Variants in SYNJ1 observed in about 807,000 individuals in gnomAD.
The protein encoded by SYNJ1 is polyphosphatidylinositol phosphatase SYNJ1.
In SYNJ1, 78 loss-of-function variants were observed where a neutral mutation model predicts 168.2. That is an observed-to-expected ratio of 0.46 (90% CI 0.39 to 0.56). SYNJ1 has a LOEUF of 0.56. SYNJ1 is among the 20% of genes least tolerant of loss of function. The pLI is 0.00. For missense variants in SYNJ1, 1,303 were observed against 1,597.6 expected (o/e 0.82, Z 3.14); for synonymous variants, 539 against 548.6 (o/e 0.98, Z 0.24).
At chr21:32,646,270 A>T (rs2040064042) in intron 24 of SYNJ1, 123 bp downstream of exon 24, 1 of 954,704 alleles carries the variant, frequency 1.0e-6, no homozygotes, top group Non-Finnish European at 1.6e-6. Context: ...AAGTTTTCCT[A>T]TTCTGTACCG....
chr21:32,633,387 G>T (rs2145674094), intron 32 of SYNJ1, among the ~76,000 whole-genome samples: 1 of 152,148 alleles, frequency 6.6e-6, no homozygotes, highest in East Asian at 1.9e-4. Flanking sequence ...TGAAGGAAAA[G>T]AACTATGATT....
In SYNJ1 at chr21:32,676,976, T is replaced by C. The variant is rs562862329; in HGVS notation, c.1511-621A>G. 3.9e-5 allele frequency among the ~76,000 whole-genome samples: 6 copies of C among 152,338 alleles called. No individual in the cohort carries two copies. In the East Asian group the frequency reaches 1.2e-3, roughly 29 times the overall value. ...GTAGCAAGACATTATACATGTTAAA[T>C]GGTTATGAAATGCATGAATATAACC... On this transcript the variant is annotated intron_variant, in intron 12 of 32. Coordinates refer to ENST00000674351, the MANE Select transcript of SYNJ1 (RefSeq NM_203446.3).
intron 18 of SYNJ1, among the ~76,000 whole-genome samples, chr21:32,659,991 C>T (rs759157648): frequency 1.6e-4 from 24 of 152,202 alleles, no homozygotes; most frequent in Admixed American, 3.3e-4. Context: ...CCCGGTCGAA[C>T]GCCTCACCAC....
intron 2 of SYNJ1, 39 bp from the exon 3 acceptor site, chr21:32,702,086 A>C (rs773757466): frequency 1.4e-6 from 2 of 1,404,146 alleles, no homozygotes; most frequent in East Asian, 2.3e-5. Context: ...AATGACCTGA[A>C]ACATTGGATT....
intron 18 of SYNJ1, 24 bp from the exon 19 acceptor site, chr21:32,657,896 A>C: frequency 6.3e-7 from 1 of 1,587,334 alleles, no homozygotes; most frequent in Non-Finnish European, 8.6e-7. Flanking sequence ...ATACAAAGTA[A>C]GTTATTCCCA....
intron 19 of SYNJ1, 95 bp downstream of exon 19, chr21:32,657,621 G>GA: frequency 8.2e-7 from 1 of 1,219,820 alleles, no homozygotes; most frequent in Non-Finnish European, 1.1e-6. Flanking sequence ...AATGTTTCTT[G>GA]AAAAACAATA....
At chr21:32,685,425 CAAAAAAAA>C (rs57470866) in intron 9 of SYNJ1, among the ~76,000 whole-genome samples, 9 of 67,238 alleles carry the variant, frequency 1.3e-4, no homozygotes, top group Admixed American at 5.8e-4. Context: ...CCGTCTCTAC[CAAAAAAAA>C]AAAAAAAAAA....
At chr21:32,653,487 G>C in intron 21 of SYNJ1, 121 bp from the exon 22 acceptor site, 2 of 765,394 alleles carry the variant, frequency 2.6e-6, no homozygotes, top group Non-Finnish European at 4.3e-6. Flanking sequence ...AAAAGTAAAG[G>C]AGGGAGCGCA....
chr21:32,698,009 T>C (rs2042271193), intron 4 of SYNJ1, among the ~76,000 whole-genome samples: 2 of 152,162 alleles, frequency 1.3e-5, no homozygotes, highest in Non-Finnish European at 2.9e-5. Flanking sequence ...CTAGAAAAAA[T>C]GTAGTGTTGG....
At chr21:32,726,059 CA>C (rs2043438756) in intron 2 of SYNJ1, among the ~76,000 whole-genome samples, 1 of 152,142 alleles carries the variant, frequency 6.6e-6, no homozygotes, top group Non-Finnish European at 1.5e-5. Flanking sequence ...AGACTGGTCT[CA>C]AACTCCCCGC....
chr21:32,657,071 A>C lies in SYNJ1; in HGVS notation c.2511T>G (p.Ile837Met). The change falls in exon 20 of 33, where the codon ATT (isoleucine) becomes ATG (methionine). Residue 837 changes from isoleucine (I) to methionine (M), a missense_variant. This residue lies in a region of SYNJ1 where 920 missense variants were observed against 1,208.8 expected (regional missense o/e 0.76). Coordinates refer to ENST00000674351, the MANE Select transcript of SYNJ1 (RefSeq NM_203446.3). ...LNASFQDESK[I>M]LYTWTPGTLL... Reference sequence around the variant, plus strand: ...AAGTGCCTGGAGTCCACGTGTACAGAATTTTGCTTTCATCTTGAAAACTAG... The same window carrying C: ...AAGTGCCTGGAGTCCACGTGTACAGCATTTTGCTTTCATCTTGAAAACTAG... 6.2e-7 allele frequency: 1 copy of C among 1,614,186 alleles called. No individual in the cohort carries two copies. The highest frequency in any genetic ancestry group is 8.5e-7 in the Non-Finnish European group (1 of 1,180,036).
intron 31 of SYNJ1, among the ~76,000 whole-genome samples, chr21:32,638,397 CTT>C (rs1405423074): frequency 6.6e-6 from 1 of 152,134 alleles, no homozygotes; most frequent in Non-Finnish European, 1.5e-5. Context: ...GGAAAGATCA[CTT>C]TGAAAATTCA....
chr21:32,685,648 A>G (rs947606942), intron 9 of SYNJ1, 100 bp downstream of exon 9: 2 of 766,722 alleles, frequency 2.6e-6, no homozygotes, highest in African/African-American at 1.8e-5. Context: ...ATATTTAATT[A>G]TAAACTTTAA....
At chr21:32,642,651 C>G (rs2039894951) in intron 27 of SYNJ1, among the ~76,000 whole-genome samples, 1 of 152,190 alleles carries the variant, frequency 6.6e-6, no homozygotes, top group Non-Finnish European at 1.5e-5. Context: ...ATTTCTATAA[C>G]AAAATCCCAT....
chr21:32,710,468 C>G (rs1046434981), intron 2 of SYNJ1, among the ~76,000 whole-genome samples: 7 of 152,086 alleles, frequency 4.6e-5, no homozygotes, highest in Non-Finnish European at 1.0e-4. Context: ...CAGAGAAGAA[C>G]TTTTCTCTAA....
chr21:32,675,907 T>C (rs1281403681), intron 13 of SYNJ1, among the ~76,000 whole-genome samples: 1 of 152,222 alleles, frequency 6.6e-6, no homozygotes, highest in African/African-American at 2.4e-5. Flanking sequence ...TTCTTAAATA[T>C]TATATGTGAG....
intron 7 of SYNJ1, among the ~76,000 whole-genome samples, chr21:32,687,434 C>T (rs2041874649): frequency 6.6e-6 from 1 of 152,178 alleles, no homozygotes; most frequent in South Asian, 2.1e-4. Context: ...AGGACATCAC[C>T]TACTCCGTTG....
chr21:32,663,562 C>T (rs764281703), intron 18 of SYNJ1, among the ~76,000 whole-genome samples: 8 of 152,198 alleles, frequency 5.3e-5, no homozygotes, highest in African/African-American at 9.6e-5. Context: ...TTTCTTCCTA[C>T]TGCCCATAAA....
At position 32,666,166 on chromosome 21, in the gene SYNJ1, T is replaced by C. The variant is rs772969976; in HGVS notation, c.1953-31A>G. ...AAACAAAGAATTCTAAATCGCAGAT[T>C]TGAAATTTCAAGAGTTCCATGTGCA... On this transcript the variant is annotated intron_variant, in intron 16 of 32. Coordinates refer to ENST00000674351, the MANE Select transcript of SYNJ1 (RefSeq NM_203446.3). 1.1e-5 allele frequency: 18 copies of C among 1,572,410 alleles called. No homozygotes were observed. In the South Asian group the frequency reaches 2.0e-4, roughly 17 times the overall value.
Sources: allele counts gnomAD v4.1 joint callset (sites outside exome capture counted in the v4.1 genomes callset), GRCh38; gene constraint gnomAD v4.1.1; regional missense constraint gnomAD v4.1.1; transcripts MANE v1.5; gene names NCBI Gene and HGNC (gene_info 2026-07-23, HGNC 2026-07-21).